ROBO2: variants seen among roughly 807,000 people sequenced by gnomAD.
The protein encoded by ROBO2 is roundabout homolog 2.
ROBO2 carries 53 observed loss-of-function variants against 160.8 expected under a neutral mutation model. That is an observed-to-expected ratio of 0.33 (90% confidence interval 0.26 to 0.41). The LOEUF (loss-of-function observed/expected upper bound fraction) is 0.41, where lower values mean the gene tolerates loss of function less well. ROBO2 is among the 10% of genes least tolerant of loss of function. The pLI is 1.00. For missense variants in ROBO2, 1,577 were observed against 1,722.4 expected (o/e 0.92, Z 1.49); for synonymous variants, 664 against 611.7 (o/e 1.09, Z -1.26).
intron 2 of ROBO2, among the ~76,000 whole-genome samples, chr3:76,534,863 T>C (rs1305752898): frequency 6.6e-6 from 1 of 151,914 alleles, no homozygotes; most frequent in Non-Finnish European, 1.5e-5. Context: ...TGAGAGGTGA[T>C]GGTTTTAAGG....
At chr3:77,072,492 A>G (rs1007754525) in intron 1 of ROBO2, among the ~76,000 whole-genome samples, 2 of 152,214 alleles carry the variant, frequency 1.3e-5, no homozygotes, top group South Asian at 4.1e-4. Flanking sequence ...TTTAAAGACT[A>G]CTTGTGCTGG....
chr3:76,747,538 G>A (rs2093913843), intron 2 of ROBO2, among the ~76,000 whole-genome samples: 1 of 151,948 alleles, frequency 6.6e-6, no homozygotes. Context: ...ACCTTGTCAT[G>A]AATACGTGAA....
chr3:76,348,075 C>T lies in ROBO2; in HGVS notation c.109+410473C>T, dbSNP rs369783778. Among the ~76,000 whole-genome samples the T allele has an allele frequency of 3.5e-5, 5 of 142,724 alleles. No homozygotes were observed. In the East Asian group the frequency reaches 5.8e-4, roughly 17 times the overall value. The allele number at this position is 142,724 out of a possible 152,430, so 93.6% of individuals were successfully genotyped here. A position where few individuals can be genotyped will look rare whatever the true frequency, so the allele number is the denominator to read the frequency against. On this transcript the variant is annotated intron_variant, in intron 2 of 26. Transcript: ENST00000487694. ...TATCCGCCATCATTCCACAGTCTCA[C>T]ACAGTCAGTATCAGTCTTCAGCATC...
At chr3:77,423,356 A>G (rs1245861617) in intron 2 of ROBO2, among the ~76,000 whole-genome samples, 1 of 152,154 alleles carries the variant, frequency 6.6e-6, no homozygotes, top group Non-Finnish European at 1.5e-5. Flanking sequence ...GAGCTTTCAA[A>G]GTAGTTGCAG....
intron 2 of ROBO2, among the ~76,000 whole-genome samples, chr3:76,632,288 A>G (rs2090077284): frequency 6.6e-6 from 1 of 152,180 alleles, no homozygotes; most frequent in Admixed American, 6.5e-5. Flanking sequence ...TGGCAAATAG[A>G]CCTTGGGAAG....
At position 76,812,052 on chromosome 3, in the gene ROBO2, G is replaced by A. The variant is rs564660395; in HGVS notation, c.110-285962G>A. Among the ~76,000 whole-genome samples the A allele has an allele frequency of 1.8e-4, 27 of 151,726 alleles. 1 individual carries two copies. Among genetic ancestry groups the A allele is most frequent in the African/African-American group, 6.3e-4 (26 of 41,376 alleles). On this transcript the variant is annotated intron_variant, in intron 2 of 26. Coordinates refer to the ROBO2 transcript ENST00000487694. ...TGCCCAGCTAATTTTTGTATTTTTA[G>A]TGCAGACAGGGTTTCACCGTGTTAG...
chr3:76,673,862 T>C (rs2092336147), intron 2 of ROBO2, among the ~76,000 whole-genome samples: 1 of 152,156 alleles, frequency 6.6e-6, no homozygotes, highest in Non-Finnish European at 1.5e-5. Flanking sequence ...GATAATGCAT[T>C]CCCTTAATCA....
At chr3:77,120,527 T>C (rs2074646441) in intron 2 of ROBO2, among the ~76,000 whole-genome samples, 1 of 152,170 alleles carries the variant, frequency 6.6e-6, no homozygotes, top group African/African-American at 2.4e-5. Context: ...GCACAAAATA[T>C]GGAAGAAAAG....
At chr3:77,579,861 T>TA (rs1559654900) in intron 15 of ROBO2, 86 bp from the exon 17 acceptor site, 3 of 1,248,134 alleles carry the variant, frequency 2.4e-6, no homozygotes, top group African/African-American at 1.5e-5. Flanking sequence ...AGGTTATGAT[T>TA]AAAAAATATT....
At chr3:76,652,295 G>A (rs1281294802) in intron 2 of ROBO2, among the ~76,000 whole-genome samples, 2 of 152,140 alleles carry the variant, frequency 1.3e-5, no homozygotes, top group Non-Finnish European at 2.9e-5. Context: ...TATGTACTAG[G>A]CATCTTGCTA....
At chr3:76,947,921 T>C (rs1021988434) in intron 2 of ROBO2, among the ~76,000 whole-genome samples, 2 of 152,216 alleles carry the variant, frequency 1.3e-5, no homozygotes, top group African/African-American at 4.8e-5. Flanking sequence ...TATTGGCTTT[T>C]ATTTTCCCAC....
intron 2 of ROBO2, among the ~76,000 whole-genome samples, chr3:77,454,948 T>G (rs1243055879): frequency 1.3e-5 from 2 of 152,162 alleles, no homozygotes; most frequent in African/African-American, 4.8e-5. Context: ...TGTAATTTAG[T>G]CTACCATCTC....
Position 76,323,175 on chromosome 3 carries a change from A to ACACACACACACACC in ROBO2, c.109+385574_109+385575insACACACACACACCC, listed in dbSNP as rs752990413. 8.0e-4 allele frequency among the ~76,000 whole-genome samples: 117 copies of ACACACACACACACC among 145,702 alleles called. 2 individuals carry two copies. The highest frequency in any genetic ancestry group is 1.2e-3 in the Non-Finnish European group (75 of 65,210). ...CACACACACACACACACACACACACACCCCTAAAGGCTAATTGCTGGGATT... is the reference window on the plus strand; with the variant it reads ...CACACACACACACACACACACACACACACACACACACACCCCCCTAAAGGCTAATTGCTGGGATT... On this transcript the variant is annotated intron_variant, in intron 2 of 26. Coordinates refer to the ROBO2 transcript ENST00000487694.
chr3:77,471,101 T>C (rs2083304945), intron 2 of ROBO2, among the ~76,000 whole-genome samples: 1 of 152,212 alleles, frequency 6.6e-6, no homozygotes, highest in African/African-American at 2.4e-5. Context: ...ATAACTTTAG[T>C]TGGGATCATG....
rs1046624169 is a variant in ROBO2 at position 77,101,418 on chromosome 3, A to G, written c.388+3078A>G. 3.3e-5 allele frequency among the ~76,000 whole-genome samples: 5 copies of G among 152,184 alleles called. No individual in the cohort carries two copies. In the East Asian group the frequency reaches 9.6e-4, roughly 29 times the overall value. ...GAACAGTATGGTAAACGTTAGCTGTATTGTTTGACATACCAATGAAATAGT... is the reference window on the plus strand; with the variant it reads ...GAACAGTATGGTAAACGTTAGCTGTGTTGTTTGACATACCAATGAAATAGT... On this transcript the variant is annotated intron_variant, in intron 2 of 25. Coordinates refer to ENST00000461745, the Ensembl canonical transcript of ROBO2.
exon 1 of ROBO2, chr3:77,040,120 C>A (rs2063945644): frequency 1.4e-5 from 14 of 984,812 alleles, no homozygotes; most frequent in Non-Finnish European, 1.6e-5. Context: ...GGATTCTCCA[C>A]CCGAATCGTC....
intron 2 of ROBO2, among the ~76,000 whole-genome samples, chr3:75,969,545 G>A (rs1213759236): frequency 6.6e-6 from 1 of 151,534 alleles, no homozygotes; most frequent in South Asian, 2.1e-4. Flanking sequence ...GTGAACATGA[G>A]TTTCCTTTTT....
intron 2 of ROBO2, among the ~76,000 whole-genome samples, chr3:76,019,736 T>TGC (rs1559839053): frequency 6.6e-6 from 1 of 150,754 alleles, no homozygotes; most frequent in East Asian, 2.0e-4. Context: ...AAGTTCCATG[T>TGC]GTATCTGAGA....
chr3:77,196,000 G>A (rs764571167), intron 2 of ROBO2, among the ~76,000 whole-genome samples: 21 of 152,252 alleles, frequency 1.4e-4, no homozygotes, highest in Non-Finnish European at 2.6e-4. Flanking sequence ...TTGTAACCAG[G>A]GCCACTCACA....
Sources: allele counts gnomAD v4.1 joint callset (sites outside exome capture counted in the v4.1 genomes callset), GRCh38; gene constraint gnomAD v4.1.1; transcripts MANE v1.5; gene names NCBI Gene and HGNC (gene_info 2026-07-23, HGNC 2026-07-21).